Variants in DOCK5 observed in about 807,000 individuals in gnomAD.
The protein encoded by DOCK5 is dedicator of cytokinesis protein 5.
A neutral mutation model predicts 251.8 loss-of-function variants in DOCK5; 142 were observed. The ratio of observed to expected loss-of-function variants is 0.56; its 90% CI spans 0.49 to 0.65. The LOEUF is 0.65. Among genes scored for constraint, DOCK5 ranks in the 30% least tolerant of loss-of-function variants. DOCK5 has a pLI of 0.00. For synonymous variants in DOCK5, 842 were observed against 835.5 expected, an observed-to-expected ratio of 1.01 and a Z score of -0.13; for missense variants, 2,111 against 2,312.3, an observed-to-expected ratio of 0.91 and a Z score of 1.79.
chr8:25,333,208 G>T (rs1324036230), intron 20 of DOCK5, among the ~76,000 whole-genome samples: 1 of 152,204 alleles, frequency 6.6e-6, no homozygotes, highest in African/African-American at 2.4e-5. Context: ...AAAGCCAGAG[G>T]TGAGGGTGGA....
At chr8:25,330,933 C>T (rs1213570988) in intron 18 of DOCK5, among the ~76,000 whole-genome samples, 1 of 151,828 alleles carries the variant, frequency 6.6e-6, no homozygotes, top group East Asian at 1.9e-4. Flanking sequence ...CAAAAATTAG[C>T]CAGGTGTGGT....
chr8:25,364,885 G>T (rs903675134), intron 30 of DOCK5, 181 bp downstream of exon 30: 5 of 477,452 alleles, frequency 1.0e-5, no homozygotes, highest in African/African-American at 2.0e-5. Context: ...ACAAAATAGG[G>T]GTGGTTTCTT....
chr8:25,346,082 C>T (rs1800361881), intron 26 of DOCK5, among the ~76,000 whole-genome samples: 2 of 152,158 alleles, frequency 1.3e-5, no homozygotes, highest in South Asian at 4.1e-4. Flanking sequence ...GATCTCCTGA[C>T]CTCGTGATCC....
chr8:25,293,868 G>A (rs1266456733), intron 6 of DOCK5, among the ~76,000 whole-genome samples: 1 of 152,176 alleles, frequency 6.6e-6, no homozygotes, highest in Admixed American at 6.5e-5. Context: ...GCTGGGCATG[G>A]TGGCATATGC....
rs766484414 is a variant in DOCK5, at chr8:25,392,760, T to C, written c.4441-36T>C. 8 of 1,563,382 alleles carry C rather than the reference T, an allele frequency of 5.1e-6. No individual in the cohort carries two copies. In the South Asian group the frequency reaches 5.7e-5, roughly 11 times the overall value. On this transcript the variant is annotated intron_variant, in intron 43 of 51. Coordinates refer to ENST00000276440, the MANE Select transcript of DOCK5 (RefSeq NM_024940.8). Reference sequence around the variant, plus strand: ...ACATTTCATGTTTTCCTCCTGGGAATTGACCAACATTTCATGTTTTCCTTC... The same window carrying C: ...ACATTTCATGTTTTCCTCCTGGGAACTGACCAACATTTCATGTTTTCCTTC...
chr8:25,325,285 A>T, intron 17 of DOCK5, 79 bp from the exon 18 acceptor site: 1 of 1,459,396 alleles, frequency 6.9e-7, no homozygotes, highest in Non-Finnish European at 9.4e-7. Flanking sequence ...CATGCTGAAA[A>T]TGCATGATAG....
intron 37 of DOCK5, chr8:25,376,580 A>T: frequency 1.2e-5 from 2 of 171,300 alleles, no homozygotes; most frequent in Non-Finnish European, 2.3e-5. Flanking sequence ...ATTTTTCCAT[A>T]TGGACTTTGG....
intron 2 of DOCK5, among the ~76,000 whole-genome samples, chr8:25,248,835 T>C (rs1803191219): frequency 1.3e-5 from 2 of 152,006 alleles, no homozygotes; most frequent in Non-Finnish European, 2.9e-5. Context: ...CAAGGCAAGC[T>C]GGTGTAGAGA....
chr8:25,308,612 T>C (rs1805008552), intron 11 of DOCK5, 171 bp from the exon 12 acceptor site: 2 of 778,504 alleles, frequency 2.6e-6, no homozygotes. Context: ...CAAGGTGAAT[T>C]TAGTATTTAA....
At chr8:25,363,363 G>A (rs1310328836) in intron 29 of DOCK5, among the ~76,000 whole-genome samples, 1 of 152,074 alleles carries the variant, frequency 6.6e-6, no homozygotes. Flanking sequence ...CTCTAGCGTC[G>A]TCTCTTCAGT....
At chr8:25,219,732 C>T (rs1031702784) in intron 1 of DOCK5, among the ~76,000 whole-genome samples, 3 of 150,428 alleles carry the variant, frequency 2.0e-5, no homozygotes, top group Non-Finnish European at 3.0e-5. Flanking sequence ...ACGTTCACAA[C>T]CACTTTTGAC....
At chr8:25,244,529 A>G (rs1371849280) in intron 2 of DOCK5, among the ~76,000 whole-genome samples, 2 of 152,242 alleles carry the variant, frequency 1.3e-5, no homozygotes, top group Admixed American at 6.5e-5. Flanking sequence ...ATTCTCTCAG[A>G]AGGTTAGGGT....
chr8:25,316,535 G>A (rs1211257382), intron 13 of DOCK5, among the ~76,000 whole-genome samples: 1 of 152,024 alleles, frequency 6.6e-6, no homozygotes, highest in Non-Finnish European at 1.5e-5. Context: ...TACCTCATCA[G>A]GTTGTTCTGT....
In DOCK5 at chr8:25,278,659, C is replaced by T. The variant is rs779084361; in HGVS notation, c.315C>T (p.Leu105=). ...AATGGGCTGTCATCTGGCGAAAGCTCTACGTGGTGAGTTTCCCCTTGTGGC... is the reference window on the plus strand; with the variant it reads ...AATGGGCTGTCATCTGGCGAAAGCTTTACGTGGTGAGTTTCCCCTTGTGGC... ...LREWAVIWRK[L]YVNNKLTLFR... Residue 105 remains leucine (L), a synonymous_variant, in exon 5 of 52, where the codon CTC becomes CTT. Transcript: ENST00000276440. The T allele has an allele frequency of 1.2e-6, 2 of 1,613,720 alleles. No individual in the cohort carries two copies. Among genetic ancestry groups the T allele is most frequent in the Non-Finnish European group, 1.7e-6 (2 of 1,179,850 alleles).
chr8:25,227,981 C>A (rs1802572699), intron 1 of DOCK5, among the ~76,000 whole-genome samples: 1 of 152,056 alleles, frequency 6.6e-6, no homozygotes, highest in Non-Finnish European at 1.5e-5. Context: ...ACCTGCCAGG[C>A]TCCAGTGATC....
intron 2 of DOCK5, among the ~76,000 whole-genome samples, chr8:25,256,477 A>G (rs1466320026): frequency 6.6e-6 from 1 of 151,992 alleles, no homozygotes; most frequent in Non-Finnish European, 1.5e-5. Flanking sequence ...CGTCTCTACT[A>G]AAAATACAAA....
Position 25,302,400 on chromosome 8 carries a change from C to T in DOCK5, c.922C>T (p.Leu308=), listed in dbSNP as rs746142980. Residue 308 remains leucine, a synonymous_variant, in exon 10 of 52, where the codon CTG becomes TTG. Coordinates refer to ENST00000276440, the MANE Select transcript of DOCK5 (RefSeq NM_024940.8). The part of the protein sequence containing the change: ...CQIVRVGHME[L]KEGKKHTCGL... The stretch of plus-strand genomic sequence containing the variant: ...GATTGTCCGCGTGGGCCATATGGAG[C>T]TGAAGGAAGGCAAGAAGCACACCTG... 1 of 1,605,546 alleles carries T rather than the reference C, an allele frequency of 6.2e-7. No homozygotes were observed. Among genetic ancestry groups the T allele is most frequent in the East Asian group, 2.2e-5 (1 of 44,590 alleles).
intron 1 of DOCK5, among the ~76,000 whole-genome samples, chr8:25,198,426 G>A (rs924332964): frequency 6.6e-6 from 1 of 152,114 alleles, no homozygotes; most frequent in Admixed American, 6.5e-5. Flanking sequence ...ACAAAAATTA[G>A]CTGGGCATGG....
chr8:25,379,204 A>G (rs999575842), intron 38 of DOCK5, among the ~76,000 whole-genome samples: 1 of 152,226 alleles, frequency 6.6e-6, no homozygotes, highest in Non-Finnish European at 1.5e-5. Context: ...AAAATTTACC[A>G]GAGTGGAATT....
Sources: allele counts gnomAD v4.1 joint callset (sites outside exome capture counted in the v4.1 genomes callset), GRCh38; gene constraint gnomAD v4.1.1; transcripts MANE v1.5; gene names NCBI Gene and HGNC (gene_info 2026-07-23, HGNC 2026-07-21).